GLP1R: variants seen among roughly 807,000 people sequenced by gnomAD.
GLP1R encodes the protein glucagon like peptide 1 receptor, also known as glucagon-like peptide 1 receptor.
A neutral mutation model predicts 68.4 loss-of-function variants in GLP1R; 32 were observed. The observed-to-expected ratio is 0.47, with a 90% CI of 0.35 to 0.63. GLP1R has a LOEUF of 0.63. Ranked by LOEUF, GLP1R falls within the 20% of genes least tolerant of loss-of-function variation. The probability of loss-of-function intolerance (pLI) is 0.00; values close to 1 mark genes in which losing one functional copy is unlikely to be tolerated. For synonymous variants in GLP1R, 263 were observed against 244.4 expected (o/e 1.08, Z -0.71); for missense variants, 502 against 594.9 (o/e 0.84, Z 1.62).
chr6:39,065,927 G>A, intron 4 of GLP1R, 98 bp downstream of exon 4: 1 of 734,226 alleles, frequency 1.4e-6, no homozygotes, highest in Non-Finnish European at 2.4e-6. Flanking sequence ...GGCATCTGTG[G>A]TCATTTCATC....
rs1331352656 is a variant in GLP1R, at chr6:39,087,544, G to C, written c.*1471G>C. On this transcript the variant is annotated 3_prime_UTR_variant, in exon 13 of 13. Transcript: ENST00000373256. ...CTGGAGCAAGAGAGAGCTCGCTCTT[G>C]GGAGTCAGGACCTCCGGGGAGAGCA... 1 of 152,180 alleles carries C rather than the reference G, an allele frequency of 6.6e-6. No individual in the cohort carries two copies. The highest frequency in any genetic ancestry group is 2.4e-5 in the African/African-American group (1 of 41,436). 9.4% of individuals were successfully genotyped at this position (152,180 alleles called of 1,614,324 possible). A position where few individuals can be genotyped will look rare whatever the true frequency, so the allele number is the denominator to read the frequency against.
chr6:39,070,261 A>C (rs1315505268), intron 5 of GLP1R, among the ~76,000 whole-genome samples: 1 of 152,224 alleles, frequency 6.6e-6, no homozygotes, highest in African/African-American at 2.4e-5. Context: ...TTTTTGGTCC[A>C]ACATTATGTT....
intron 7 of GLP1R, among the ~76,000 whole-genome samples, chr6:39,075,948 C>T (rs1768807387): frequency 6.6e-6 from 1 of 152,206 alleles, no homozygotes; most frequent in African/African-American, 2.4e-5. Context: ...GAGCTTTTTT[C>T]TCCAACCTGT....
rs1768024035 is a variant in GLP1R, at chr6:39,048,912, C to T, written c.72C>T (p.Arg24=). 9 of 1,385,096 alleles carry T rather than the reference C, an allele frequency of 6.5e-6. No homozygotes were observed. Among genetic ancestry groups the T allele is most frequent in the Non-Finnish European group, 6.6e-6 (7 of 1,057,532 alleles). The allele number at this position is 1,385,096 out of a possible 1,614,324, so 85.8% of individuals were successfully genotyped here. A position where few individuals can be genotyped will look rare whatever the true frequency, so the allele number is the denominator to read the frequency against. ...GGATGGTGGGCAGGGCCGGCCCCCG[C>T]CCCCAGGTGAGATCCAGGGACCCCG... ...LLGMVGRAGP[R]PQGATVSLWE... Residue 24 remains arginine, a synonymous_variant, in exon 1 of 13, where the codon CGC becomes CGT. Coordinates refer to ENST00000373256, the MANE Select transcript of GLP1R (RefSeq NM_002062.5).
intron 12 of GLP1R, among the ~76,000 whole-genome samples, chr6:39,081,415 C>G (rs1294413937): frequency 6.6e-6 from 1 of 152,164 alleles, no homozygotes; most frequent in Non-Finnish European, 1.5e-5. Context: ...CTTTCTGGTG[C>G]TAGGATGGGA....
intron 1 of GLP1R, among the ~76,000 whole-genome samples, chr6:39,051,892 T>TGGGGG: frequency 7.7e-6 from 1 of 129,702 alleles, no homozygotes; most frequent in East Asian, 2.6e-4. Context: ...TGTGTGTGTG[T>TGGGGG]GTGGGGGGGG....
Position 39,088,844 on chromosome 6 carries a change from C to T in GLP1R, c.*2771C>T, listed in dbSNP as rs1255093789. Reference sequence around the variant, plus strand: ...AAGACCTTGGTGATCCCCCCTGGCCCGATCTATAGGATTGAGGAATGAGGC... The same window carrying T: ...AAGACCTTGGTGATCCCCCCTGGCCTGATCTATAGGATTGAGGAATGAGGC... On this transcript the variant is annotated 3_prime_UTR_variant, in exon 13 of 13. Transcript: ENST00000373256. 1.3e-5 allele frequency among the ~76,000 whole-genome samples: 2 copies of T among 152,224 alleles called. No homozygotes were observed. The highest frequency in any genetic ancestry group is 2.1e-4 in the South Asian group (1 of 4,816).
intron 1 of GLP1R, among the ~76,000 whole-genome samples, chr6:39,051,230 ATG>A (rs1562001172): frequency 6.6e-6 from 1 of 152,182 alleles, no homozygotes; most frequent in Non-Finnish European, 1.5e-5. Context: ...TCCCCAATAC[ATG>A]TCCTTATCTG....
chr6:39,067,441 T>C (rs894582255), intron 5 of GLP1R, among the ~76,000 whole-genome samples: 1 of 152,224 alleles, frequency 6.6e-6, no homozygotes, highest in African/African-American at 2.4e-5. Context: ...CTTTCCAAGA[T>C]GGCACCTTCT....
chr6:39,048,857 G>C lies in GLP1R; in HGVS notation c.17G>C (p.Gly6Ala). 1 of 1,493,084 alleles carries C rather than the reference G, an allele frequency of 6.7e-7. No individual in the cohort carries two copies. The highest frequency in any genetic ancestry group is 8.9e-7 in the Non-Finnish European group (1 of 1,123,090). The allele number at this position is 1,493,084 out of a possible 1,614,324, so 92.5% of individuals were successfully genotyped here. Residue 6 changes from glycine (G) to alanine (A), a missense_variant, in exon 1 of 13, where the codon GGC becomes GCC. Gly to Ala is a moderately conservative substitution (Grantham distance 60). Transcript: ENST00000373256. ...CTCCCCGCCATGGCCGGCGCCCCCG[G>C]CCCGCTGCGCCTTGCGCTGCTGCTG... Reference protein sequence around the residue: MAGAPGPLRLALLLLG... With the variant: MAGAPAPLRLALLLLG...
chr6:39,071,337 T>G (rs1448613191), intron 5 of GLP1R, among the ~76,000 whole-genome samples: 2 of 93,276 alleles, frequency 2.1e-5, no homozygotes, highest in African/African-American at 9.7e-5. Context: ...CAGAGCAAGA[T>G]TCCATCTCAA....
Position 39,080,749 on chromosome 6 carries a change from G to A in GLP1R, c.1224+10G>A, listed in dbSNP as rs766886236. 3 of 1,574,648 alleles carry A rather than the reference G, an allele frequency of 1.9e-6. No homozygotes were observed. In the South Asian group the frequency reaches 3.4e-5, roughly 18 times the overall value. ...CTTTGTCAACAATGAGGTAAGCTCT[G>A]AGGAGGGACGGTGGGGACCCTGGTG... On this transcript the variant is annotated intron_variant, in intron 12 of 12. Coordinates refer to ENST00000373256, the MANE Select transcript of GLP1R (RefSeq NM_002062.5).
chr6:39,074,765 G>C (rs755895878), intron 7 of GLP1R, among the ~76,000 whole-genome samples: 1 of 152,142 alleles, frequency 6.6e-6, no homozygotes, highest in Non-Finnish European at 1.5e-5. Flanking sequence ...CTCCATGCAG[G>C]AATGTTCAGG....
In GLP1R at chr6:39,088,474, C is replaced by A. The variant is rs557505750; in HGVS notation, c.*2401C>A. Among the ~76,000 whole-genome samples the A allele has an allele frequency of 2.6e-5, 4 of 152,172 alleles. No individual in the cohort carries two copies. The highest frequency in any genetic ancestry group is 2.1e-4 in the South Asian group (1 of 4,824). ...ACGCCTGGAACTTGCTGAGAACTCTCGGCTGCCTCTGTCCTGGGGTACTAT... is the reference window on the plus strand; with the variant it reads ...ACGCCTGGAACTTGCTGAGAACTCTAGGCTGCCTCTGTCCTGGGGTACTAT... On this transcript the variant is annotated 3_prime_UTR_variant, in exon 13 of 13. Transcript: ENST00000373256.
intron 1 of GLP1R, among the ~76,000 whole-genome samples, chr6:39,054,706 G>T (rs1413476149): frequency 6.6e-6 from 1 of 152,184 alleles, no homozygotes; most frequent in Non-Finnish European, 1.5e-5. Flanking sequence ...CAGTGACCTT[G>T]TGTGTGGTCT....
At chr6:39,085,034 A>T (rs998361329) in intron 12 of GLP1R, among the ~76,000 whole-genome samples, 2 of 152,148 alleles carry the variant, frequency 1.3e-5, no homozygotes, top group African/African-American at 4.8e-5. Context: ...CCAGAAGAGC[A>T]GTCCAGACCC....
Position 39,078,360 on chromosome 6 carries a change from A to G in GLP1R, c.862A>G (p.Lys288Glu). The change falls in exon 8 of 13, where the codon AAG (lysine) becomes GAG (glutamate). Residue 288 changes from lysine (K) to glutamate (E), a missense_variant. Physicochemically the swap from Lys to Glu is moderately conservative, Grantham distance 56. Transcript: ENST00000373256. Reference sequence around the variant, plus strand: ...GTTTGTTGTCCCCTGGGGCATTGTCAAGTACCTCTATGAGGACGAGGGGTG... The same window carrying G: ...GTTTGTTGTCCCCTGGGGCATTGTCGAGTACCTCTATGAGGACGAGGGGTG... The part of the protein sequence containing the change: ...LLFVVPWGIV[K>E]YLYEDEGCWT... 1 of 1,612,544 alleles carries G rather than the reference A, an allele frequency of 6.2e-7. No individual in the cohort carries two copies.
chr6:39,059,046 A>G (rs1768288945), intron 3 of GLP1R, among the ~76,000 whole-genome samples: 1 of 152,208 alleles, frequency 6.6e-6, no homozygotes, highest in South Asian at 2.1e-4. Context: ...GATGAGGCCC[A>G]GGCTGGTCTC....
chr6:39,065,642 G>A (rs1768480993), intron 3 of GLP1R, 69 bp from the exon 4 acceptor site: 1 of 897,212 alleles, frequency 1.1e-6, no homozygotes, highest in Non-Finnish European at 1.8e-6. Context: ...GGGAGGAAGG[G>A]GAGCATCTAG....
Sources: gnomAD v4.1 joint callset for allele counts (sites outside exome capture counted in the v4.1 genomes callset) on GRCh38, gnomAD v4.1.1 for gene constraint, MANE v1.5 for transcripts, NCBI Gene and HGNC (gene_info 2026-07-23, HGNC 2026-07-21) for gene names.